The following USH2A variants were observed in gnomAD, a reference collection of about 807,000 sequenced individuals.
USH2A encodes Usher syndrome 2A (autosomal recessive, mild).
USH2A carries 443 observed loss-of-function variants against 538.9 expected under a neutral mutation model. That is an observed-to-expected ratio of 0.82 (90% confidence interval 0.76 to 0.89). The LOEUF (loss-of-function observed/expected upper bound fraction) is 0.89, where lower values mean the gene tolerates loss of function less well. USH2A is among the 40% of genes least tolerant of loss of function. The pLI is 0.00. For synonymous variants in USH2A, 2,413 were observed against 2,273.5 expected, an observed-to-expected ratio of 1.06 and a Z score of -1.75; for missense variants, 6,633 against 6,324.8, an observed-to-expected ratio of 1.05 and a Z score of -1.65.
intron 40 of USH2A, among the ~76,000 whole-genome samples, chr1:215,891,652 G>A (rs1022048676): frequency 3.3e-5 from 5 of 152,124 alleles, no homozygotes; most frequent in Non-Finnish European, 7.4e-5. Flanking sequence ...GAAAAAGATG[G>A]TTATAAAATT....
chr1:215,923,519 T>C (rs963293927), intron 38 of USH2A, among the ~76,000 whole-genome samples: 10 of 152,080 alleles, frequency 6.6e-5, no homozygotes, highest in Non-Finnish European at 1.2e-4. Flanking sequence ...GTGGCTTTGA[T>C]TGGAATGCCT....
rs1409101884 is a variant in USH2A, at chr1:216,016,952, C to T, written c.6326-16390G>A. 1.3e-5 allele frequency among the ~76,000 whole-genome samples: 2 copies of T among 151,974 alleles called. 1 individual carries two copies. Among genetic ancestry groups the T allele is most frequent in the Middle Eastern group, 6.3e-3 (2 of 316 alleles). On this transcript the variant is annotated intron_variant, in intron 32 of 71. Transcript: ENST00000307340. ...TGATGCTTCTTCATTTCCCTCTTTT[C>T]TTCTGTGGCTGGTTAGAATAAAAAG...
intron 48 of USH2A, among the ~76,000 whole-genome samples, chr1:215,816,633 T>A (rs959193660): frequency 2.0e-5 from 3 of 152,066 alleles, no homozygotes; most frequent in African/African-American, 7.2e-5. Flanking sequence ...TGCTAAAATA[T>A]TTCTGACAAA....
chr1:215,668,330 A>T (rs1657696291), intron 64 of USH2A, among the ~76,000 whole-genome samples: 1 of 152,224 alleles, frequency 6.6e-6, no homozygotes, highest in African/African-American at 2.4e-5. Flanking sequence ...ACATAGACTC[A>T]ATATTTACAC....
chr1:216,059,233 C>T (rs1257282692), intron 30 of USH2A, among the ~76,000 whole-genome samples: 1 of 152,136 alleles, frequency 6.6e-6, no homozygotes, highest in Admixed American at 6.5e-5. Flanking sequence ...TGATGATACT[C>T]TGCATAGCTG....
intron 38 of USH2A, among the ~76,000 whole-genome samples, chr1:215,919,253 C>T (rs563326450): frequency 2.0e-5 from 3 of 152,090 alleles, no homozygotes; most frequent in Non-Finnish European, 4.4e-5. Context: ...TTCTAATTTG[C>T]TGCTGCCTAA....
At chr1:216,080,666 A>T (rs1011751769) in intron 26 of USH2A, among the ~76,000 whole-genome samples, 12 of 151,950 alleles carry the variant, frequency 7.9e-5, no homozygotes, top group African/African-American at 2.7e-4. Flanking sequence ...CATTCCATAT[A>T]TTGAGGGAAA....
intron 11 of USH2A, among the ~76,000 whole-genome samples, chr1:216,256,469 A>G (rs1571628397): frequency 1.3e-5 from 2 of 152,084 alleles, no homozygotes; most frequent in South Asian, 2.1e-4. Flanking sequence ...TTTAAGTGAC[A>G]GACTACTTCA....
intron 11 of USH2A, among the ~76,000 whole-genome samples, chr1:216,280,324 A>G (rs986745762): frequency 1.3e-5 from 2 of 152,018 alleles, no homozygotes. Flanking sequence ...AATAATTATC[A>G]TCTTTTTTGG....
intron 32 of USH2A, among the ~76,000 whole-genome samples, chr1:216,035,853 G>C (rs2029920089): frequency 6.6e-6 from 1 of 152,018 alleles, no homozygotes; most frequent in Non-Finnish European, 1.5e-5. Flanking sequence ...ATTCCTATGT[G>C]AGATATTACA....
At chr1:215,709,733 A>G (rs1049763976) in intron 61 of USH2A, among the ~76,000 whole-genome samples, 2 of 151,780 alleles carry the variant, frequency 1.3e-5, no homozygotes, top group African/African-American at 2.4e-5. Flanking sequence ...AATGATACCT[A>G]TGGTCATTGC....
chr1:215,900,818 G>A lies in USH2A; in HGVS notation c.7388C>T (p.Ala2463Val). The A allele has an allele frequency of 6.2e-7, 1 of 1,613,830 alleles. No homozygotes were observed. The highest frequency in any genetic ancestry group is 2.2e-5 in the East Asian group (1 of 44,868). The change falls in exon 39 of 72, where the codon GCT becomes GTT. Residue 2463 changes from alanine (A) to valine (V), a missense_variant. Coordinates refer to ENST00000307340, the MANE Select transcript of USH2A (RefSeq NM_206933.4). ...GAGTTGGTATCTGGGAGAGCCAGGA[G>A]CGTTATTACGAGCTGGTGTAGACCA... ...VVWSTPARNN[A>V]PGSPRYQLQM...
intron 4 of USH2A, 54 bp from the exon 5 acceptor site, chr1:216,327,708 C>G: frequency 6.3e-7 from 1 of 1,593,272 alleles, no homozygotes. Context: ...CCAAGCAATA[C>G]CTGACAAGTA....
chr1:215,808,878 T>C (rs965012604), intron 49 of USH2A, among the ~76,000 whole-genome samples: 1 of 152,128 alleles, frequency 6.6e-6, no homozygotes, highest in African/African-American at 2.4e-5. Context: ...TACAGGTTTT[T>C]GTGTAAACAT....
chr1:215,743,169 A>T lies in USH2A; in HGVS notation c.11548+8T>A. The T allele has an allele frequency of 6.2e-7, 1 of 1,608,148 alleles. No individual in the cohort carries two copies. The highest frequency in any genetic ancestry group is 8.5e-7 in the Non-Finnish European group (1 of 1,176,592). ...AAAGCCCAGGCCAAGTGTCTGAAAGACTTTCACCATTTTGACATGCTTGTA... is the reference window on the plus strand; with the variant it reads ...AAAGCCCAGGCCAAGTGTCTGAAAGTCTTTCACCATTTTGACATGCTTGTA... On this transcript the variant is annotated splice_region_variant and intron_variant, in intron 59 of 71. Coordinates refer to ENST00000307340, the MANE Select transcript of USH2A (RefSeq NM_206933.4).
intron 35 of USH2A, among the ~76,000 whole-genome samples, chr1:215,986,536 C>T (rs1048980074): frequency 6.6e-6 from 1 of 152,084 alleles, no homozygotes; most frequent in Non-Finnish European, 1.5e-5. Context: ...ACATGCAGAG[C>T]ACAAACAAGA....
At chr1:216,262,303 G>C (rs1426977398) in intron 11 of USH2A, among the ~76,000 whole-genome samples, 1 of 151,860 alleles carries the variant, frequency 6.6e-6, no homozygotes, top group African/African-American at 2.4e-5. Context: ...AGAAAATACA[G>C]ATATGCAACT....
At chr1:215,983,383 C>A (rs2102468698) in intron 35 of USH2A, among the ~76,000 whole-genome samples, 1 of 152,196 alleles carries the variant, frequency 6.6e-6, no homozygotes, top group East Asian at 1.9e-4. Context: ...GAAAAGCTTT[C>A]AAAGATATAT....
At chr1:216,247,438 A>G (rs912679724) in intron 12 of USH2A, among the ~76,000 whole-genome samples, 1 of 152,174 alleles carries the variant, frequency 6.6e-6, no homozygotes, top group Non-Finnish European at 1.5e-5. Context: ...GAACTTCATA[A>G]ATTTTTAATT....
Sources: allele counts gnomAD v4.1 joint callset (sites outside exome capture counted in the v4.1 genomes callset), GRCh38; gene constraint gnomAD v4.1.1; transcripts MANE v1.5; gene names NCBI Gene and HGNC (gene_info 2026-07-23, HGNC 2026-07-21).